The following AIG1 variants were observed in gnomAD, a reference collection of about 807,000 sequenced individuals.
AIG1 encodes the protein androgen induced 1, also known as androgen-induced gene 1 protein.
Under a neutral mutation model 31.4 loss-of-function variants are expected in AIG1, and 23 were observed. That is an observed-to-expected ratio of 0.73 (90% CI 0.53 to 1.04). AIG1 has a LOEUF of 1.04. Among genes scored for constraint, AIG1 ranks in the 50% least tolerant of loss-of-function variants. The pLI is 0.00. For missense variants in AIG1, 274 were observed against 295.0 expected (o/e 0.93, Z 0.52); for synonymous variants, 100 against 110.5 (o/e 0.90, Z 0.60).
chr6:143,331,849 A>G lies in AIG1; in HGVS notation c.516-1433A>G, dbSNP rs555746715. 1.3e-5 allele frequency among the ~76,000 whole-genome samples: 1 copy of G among 77,718 alleles called. No individual in the cohort carries two copies. The highest frequency in any genetic ancestry group is 2.8e-5 in the Non-Finnish European group (1 of 36,356). The allele number at this position is 77,718 out of a possible 152,430, so 51.0% of individuals were successfully genotyped here. A position where few individuals can be genotyped will look rare whatever the true frequency, so the allele number is the denominator to read the frequency against. ...TGAGGTACATGTGTAGGTAATGTTTATTATTATTATTATTATTATTATTAT... is the reference window on the plus strand; with the variant it reads ...TGAGGTACATGTGTAGGTAATGTTTGTTATTATTATTATTATTATTATTAT... On this transcript the variant is annotated intron_variant, in intron 4 of 5. Coordinates refer to ENST00000357847, the MANE Select transcript of AIG1 (RefSeq NM_016108.4). This position sits in a 1 kb window ranked among gnomAD's most constrained non-coding sequence, Gnocchi z 4.1.
In AIG1 at chr6:143,192,708, A is replaced by G. The variant is rs547627963; in HGVS notation, c.399+27525A>G. On this transcript the variant is annotated intron_variant, in intron 3 of 5. Coordinates refer to ENST00000357847, the MANE Select transcript of AIG1 (RefSeq NM_016108.4). The stretch of plus-strand genomic sequence containing the variant: ...CTATTTATGCTAGCAGGCAAAACAG[A>G]AAGAACTCCTGTCCTTGTGAGTTTA... 2.6e-5 allele frequency among the ~76,000 whole-genome samples: 4 copies of G among 152,312 alleles called. No individual in the cohort carries two copies. In the South Asian group the frequency reaches 8.3e-4, roughly 32 times the overall value.
At chr6:143,142,801 C>T (rs566056337) in intron 2 of AIG1, among the ~76,000 whole-genome samples, 1 of 152,256 alleles carries the variant, frequency 6.6e-6, no homozygotes, top group South Asian at 2.1e-4. Context: ...CTTGATTTTA[C>T]TTGTAATGGG....
rs1224721990 is a variant in AIG1 at position 143,306,417 on chromosome 6, C to A, written c.515+22192C>A. On this transcript the variant is annotated intron_variant, in intron 4 of 5. Transcript: ENST00000357847. ...CCTTCAGGAGCTCTTTTAGGGCAGG[C>A]CTGGTGGTGACAAAATCTCTCAGCA... 5.9e-5 allele frequency among the ~76,000 whole-genome samples: 9 copies of A among 152,060 alleles called. No individual in the cohort carries two copies. In the South Asian group the frequency reaches 1.9e-3, roughly 32 times the overall value.
intron 1 of AIG1, among the ~76,000 whole-genome samples, chr6:143,090,212 T>A (rs1779170854): frequency 6.6e-6 from 1 of 152,228 alleles, no homozygotes; most frequent in Admixed American, 6.5e-5. Context: ...GACAAATACT[T>A]ATCTGCTCAT....
At chr6:143,250,549 A>T (rs993375372) in intron 3 of AIG1, among the ~76,000 whole-genome samples, 9 of 152,212 alleles carry the variant, frequency 5.9e-5, no homozygotes, top group Non-Finnish European at 1.3e-4. Flanking sequence ...AGAGGAGTTT[A>T]TTCTGGATTA....
At chr6:143,132,935 C>T (rs185933480) in intron 1 of AIG1, among the ~76,000 whole-genome samples, 11 of 151,766 alleles carry the variant, frequency 7.2e-5, no homozygotes, top group South Asian at 2.1e-4. Context: ...TTATTTCTCT[C>T]GCTATTTTTA....
Position 143,292,263 on chromosome 6 carries a change from G to A in AIG1, c.515+8038G>A, listed in dbSNP as rs1798109277. 6.6e-6 allele frequency among the ~76,000 whole-genome samples: 1 copy of A among 152,232 alleles called. No individual in the cohort carries two copies. The highest frequency in any genetic ancestry group is 2.4e-5 in the African/African-American group (1 of 41,454). On this transcript the variant is annotated intron_variant, in intron 4 of 5. Transcript: ENST00000357847. The surrounding 1 kb of genome is among the most constrained non-coding windows in gnomAD (Gnocchi z 4.9). ...CATGGCATGTGGCAAAAGGGACTTTGCAGGTGTGATTAAGGTAAGGACCTT... is the reference window on the plus strand; with the variant it reads ...CATGGCATGTGGCAAAAGGGACTTTACAGGTGTGATTAAGGTAAGGACCTT...
At chr6:143,147,221 G>A (rs1036916333) in intron 2 of AIG1, among the ~76,000 whole-genome samples, 11 of 152,206 alleles carry the variant, frequency 7.2e-5, no homozygotes, top group African/African-American at 2.4e-4. Flanking sequence ...AAGCTATGCC[G>A]CAGAGGGAGT....
downstream of AIG1, chr6:143,343,426 G>T (rs760953332): frequency 2.0e-6 from 1 of 496,828 alleles, no homozygotes; most frequent in South Asian, 1.7e-5. Flanking sequence ...TTGTCCTGCC[G>T]GAGAGCCCCA....
intron 1 of AIG1, among the ~76,000 whole-genome samples, chr6:143,131,231 CT>C (rs1448403196): frequency 6.6e-6 from 1 of 152,090 alleles, no homozygotes; most frequent in Non-Finnish European, 1.5e-5. Context: ...TTCTTTCTTC[CT>C]TTCCCCCAAT....
At chr6:143,248,763 T>C (rs942240279) in intron 3 of AIG1, among the ~76,000 whole-genome samples, 4 of 152,234 alleles carry the variant, frequency 2.6e-5, no homozygotes, top group African/African-American at 9.6e-5. Flanking sequence ...TTAGGTGAAT[T>C]TCTCCTTCAT....
In AIG1 at chr6:143,291,103, T is replaced by C. The variant is rs1254967607; in HGVS notation, c.515+6878T>C. Among the ~76,000 whole-genome samples, 1 of 152,168 alleles carries C rather than the reference T, an allele frequency of 6.6e-6. No homozygotes were observed. The highest frequency in any genetic ancestry group is 1.5e-5 in the Non-Finnish European group (1 of 68,026). On this transcript the variant is annotated intron_variant, in intron 4 of 5. Transcript: ENST00000357847. This position sits in a 1 kb window ranked among gnomAD's most constrained non-coding sequence, Gnocchi z 4.2. ...GCTATGAGGCAGGAATTTAGGAAGC[T>C]GACTCGTTAGCCTTCCTTATATCTC...
At chr6:143,257,867 G>A (rs756021606) in intron 3 of AIG1, among the ~76,000 whole-genome samples, 6 of 152,158 alleles carry the variant, frequency 3.9e-5, no homozygotes, top group Non-Finnish European at 8.8e-5. Flanking sequence ...TGTGGAGGAT[G>A]GAGACAGTTC....
intron 4 of AIG1, among the ~76,000 whole-genome samples, chr6:143,317,829 T>G (rs2128712882): frequency 6.6e-6 from 1 of 152,256 alleles, no homozygotes; most frequent in Middle Eastern, 3.4e-3. Context: ...CACAAATCAG[T>G]AGCTTTTCTA....
intron 3 of AIG1, among the ~76,000 whole-genome samples, chr6:143,226,703 G>T (rs182448241): frequency 6.6e-6 from 1 of 152,100 alleles, no homozygotes; most frequent in African/African-American, 2.4e-5. Flanking sequence ...ATTTAAAATA[G>T]GTAGGCCTCA....
At chr6:143,175,891 A>T (rs2128579058) in intron 3 of AIG1, among the ~76,000 whole-genome samples, 1 of 152,276 alleles carries the variant, frequency 6.6e-6, no homozygotes, top group African/African-American at 2.4e-5. Context: ...TTGTTTTGTC[A>T]TGTTACCAGA....
intron 1 of AIG1, among the ~76,000 whole-genome samples, chr6:143,101,853 G>C (rs1780310378): frequency 6.6e-6 from 1 of 152,062 alleles, no homozygotes; most frequent in South Asian, 2.1e-4. Context: ...TAAAAAACAA[G>C]AAAACAAACA....
In AIG1 at chr6:143,186,986, G is replaced by A. The variant is rs114694905; in HGVS notation, c.399+21803G>A. 1.6e-3 allele frequency among the ~76,000 whole-genome samples: 246 copies of A among 152,176 alleles called. 2 individuals are homozygous for A. The highest frequency in any genetic ancestry group is 5.7e-3 in the African/African-American group (235 of 41,534). The stretch of plus-strand genomic sequence containing the variant: ...AATAAATAAAACAAAATTAAACAAA[G>A]TTAATTTAAACAAAATTAAAGCCTC... On this transcript the variant is annotated intron_variant, in intron 3 of 5. Transcript: ENST00000357847.
intron 4 of AIG1, among the ~76,000 whole-genome samples, chr6:143,314,391 C>G (rs867530245): frequency 4.0e-5 from 6 of 151,748 alleles, no homozygotes; most frequent in Non-Finnish European, 5.9e-5. Context: ...AAAGAACTGT[C>G]TTTATTTATA....
Sources: gnomAD v4.1 joint callset for allele counts (sites outside exome capture counted in the v4.1 genomes callset) on GRCh38, gnomAD v4.1.1 for gene constraint, Gnocchi (gnomAD v3.1) non-coding constraint, MANE v1.5 for transcripts, NCBI Gene and HGNC (gene_info 2026-07-23, HGNC 2026-07-21) for gene names.